The following KCNG1 variants were observed in gnomAD, a reference collection of about 807,000 sequenced individuals.
The protein encoded by KCNG1 is voltage-gated potassium channel regulatory subunit KCNG1.
A neutral mutation model predicts 32.4 loss-of-function variants in KCNG1; 17 were observed. The ratio of observed to expected loss-of-function variants is 0.52; its 90% CI spans 0.36 to 0.79. The LOEUF is 0.79. KCNG1 is among the 30% of genes least tolerant of loss of function. The pLI is 0.00. For synonymous variants in KCNG1, 358 were observed against 339.9 expected, an observed-to-expected ratio of 1.05 and a Z score of -0.59; for missense variants, 441 against 735.2, an observed-to-expected ratio of 0.60 and a Z score of 4.63.
Position 51,004,799 on chromosome 20 carries a change from C to G in KCNG1, c.782G>C (p.Cys261Ser), listed in dbSNP as rs2123205782. 2 of 1,563,338 alleles carry G rather than the reference C, an allele frequency of 1.3e-6. No individual in the cohort carries two copies. The highest frequency in any genetic ancestry group is 1.2e-5 in the South Asian group (1 of 83,674). ...SLREEEEQGHCSQMCHNVFIV... is the reference protein window; with the variant it reads ...SLREEEEQGHSSQMCHNVFIV... ...GAAGACGTTGTGGCACATCTGGGAACAGTGGCCCTGGGAGAGAGGGGAAGG... is the reference window on the plus strand; with the variant it reads ...GAAGACGTTGTGGCACATCTGGGAAGAGTGGCCCTGGGAGAGAGGGGAAGG... The change falls in exon 3 of 3, where the codon TGT (cysteine) becomes TCT (serine). Residue 261 changes from cysteine (C) to serine (S), a missense_variant. Cys to Ser is a moderately radical substitution (Grantham distance 112). Coordinates refer to ENST00000371571, the MANE Select transcript of KCNG1 (RefSeq NM_002237.4). The surrounding 1 kb of genome is among the most constrained non-coding windows in gnomAD (Gnocchi z 4.3).
In KCNG1 at chr20:51,004,505, T is replaced by A; in HGVS notation, c.1076A>T (p.His359Leu). 1 of 1,592,536 alleles carries A rather than the reference T, an allele frequency of 6.3e-7. No homozygotes were observed. The highest frequency in any genetic ancestry group is 8.5e-7 in the Non-Finnish European group (1 of 1,170,492). The change falls in exon 3 of 3, where the codon CAC (histidine) becomes CTC (leucine). Residue 359 changes from histidine to leucine, a missense_variant. Physicochemically the swap from His to Leu is moderately conservative, Grantham distance 99. Around this residue, in one of 6 missense-constraint regions of KCNG1, gnomAD observed 169 missense variants for 297.7 expected, o/e 0.57. Transcript: ENST00000371571. This position sits in a 1 kb window ranked among gnomAD's most constrained non-coding sequence, Gnocchi z 4.3. ...CCCCAGCGTCTGCAGCCCCAGGGAG[T>A]GGCGCGCCAGGCGCATCACGTACAG... ...RILYVMRLAR[H>L]SLGLQTLGLT... is the part of the protein sequence containing the mutation.
chr20:51,008,229 T>C (rs1987912754), intron 2 of KCNG1, among the ~76,000 whole-genome samples: 1 of 152,202 alleles, frequency 6.6e-6, no homozygotes, highest in Non-Finnish European at 1.5e-5. Context: ...TGGGCCCCTG[T>C]GGACTTGGAT....
chr20:51,011,996 T>C (rs1443263590), intron 1 of KCNG1, among the ~76,000 whole-genome samples: 1 of 152,248 alleles, frequency 6.6e-6, no homozygotes, highest in Non-Finnish European at 1.5e-5. Context: ...TTTTGCCATG[T>C]TGGCCAGGCT....
chr20:51,005,445 AAT>A lies in KCNG1; in HGVS notation c.775-641_775-640del, dbSNP rs1987793147. The A allele has an allele frequency of 6.6e-6, 1 of 152,254 alleles. No homozygotes were observed. 9.4% of individuals were successfully genotyped at this position (152,254 alleles called of 1,614,324 possible). A position where few individuals can be genotyped will look rare whatever the true frequency, so the allele number is the denominator to read the frequency against. ...CCACGGCTCCCGATGGACTGTGAGGAATAGTCTTGTTCAGTGCCCCCATCACT... is the reference window on the plus strand; with the variant it reads ...CCACGGCTCCCGATGGACTGTGAGGAAGTCTTGTTCAGTGCCCCCATCACT... On this transcript the variant is annotated intron_variant, in intron 2 of 2. Transcript: ENST00000371571. This position sits in a 1 kb window ranked among gnomAD's most constrained non-coding sequence, Gnocchi z 4.0.
At chr20:51,011,260 C>G (rs965667443) in intron 1 of KCNG1, among the ~76,000 whole-genome samples, 1 of 152,226 alleles carries the variant, frequency 6.6e-6, no homozygotes, top group Admixed American at 6.5e-5. Context: ...GGTCTCTGAT[C>G]CCAGGCAGCT....
chr20:51,008,973 G>A (rs1452153886), intron 2 of KCNG1, among the ~76,000 whole-genome samples: 2 of 152,192 alleles, frequency 1.3e-5, no homozygotes, highest in African/African-American at 4.8e-5. Flanking sequence ...TCCCAGATGA[G>A]TGGGAGCCCT....
intron 2 of KCNG1, chr20:51,007,267 C>T: frequency 6.6e-6 from 1 of 151,852 alleles, no homozygotes; most frequent in Non-Finnish European, 1.5e-5. Context: ...CTCACTGCAA[C>T]CTCCACCTCC....
In KCNG1 at chr20:51,005,206, C is replaced by G. The variant is rs557925402; in HGVS notation, c.775-400G>C. 1 of 168,300 alleles carries G rather than the reference C, an allele frequency of 5.9e-6. No homozygotes were observed. The highest frequency in any genetic ancestry group is 1.9e-4 in the South Asian group (1 of 5,158). The allele number at this position is 168,300 out of a possible 1,614,324, so 10.4% of individuals were successfully genotyped here. On this transcript the variant is annotated intron_variant, in intron 2 of 2. Transcript: ENST00000371571. This position sits in a 1 kb window ranked among gnomAD's most constrained non-coding sequence, Gnocchi z 4.0. ...TTAGGACAGGAGACCTGGCGTCATC[C>G]TTACCACCTTGCGTATAACCCCCAG...
chr20:51,017,526 G>A (rs966082134), intron 1 of KCNG1, among the ~76,000 whole-genome samples: 2 of 152,186 alleles, frequency 1.3e-5, no homozygotes, highest in Admixed American at 6.5e-5. Context: ...GCTGGGAAGC[G>A]GTGTGGTTTG....
At chr20:51,011,522 C>CA (rs1988094970) in intron 1 of KCNG1, among the ~76,000 whole-genome samples, 1 of 152,126 alleles carries the variant, frequency 6.6e-6, no homozygotes, top group Non-Finnish European at 1.5e-5. Context: ...GCATGTCCTA[C>CA]AATGCACAGG....
In KCNG1 at chr20:51,003,781, T is replaced by C. The variant is rs1987706734; in HGVS notation, c.*258A>G. 2 of 373,890 alleles carry C rather than the reference T, an allele frequency of 5.3e-6. No homozygotes were observed. The highest frequency in any genetic ancestry group is 4.0e-5 in the South Asian group (1 of 25,106). The allele number at this position is 373,890 out of a possible 1,614,324, so 23.2% of individuals were successfully genotyped here. ...ATCTCCTTATTGAGGGAAACACACA[T>C]AGGGGCTGGGGTGGGCGGGGCTGGG... On this transcript the variant is annotated 3_prime_UTR_variant, in exon 3 of 3. Coordinates refer to ENST00000371571, the MANE Select transcript of KCNG1 (RefSeq NM_002237.4).
rs1468027012 is a variant in KCNG1, at chr20:51,005,126, C to T, written c.775-320G>A. Reference sequence around the variant, plus strand: ...ACTCACCATGGGATCCTGGTTTCCTCTGCCCACTGGTGGTTTCCCTCCCTA... The same window carrying T: ...ACTCACCATGGGATCCTGGTTTCCTTTGCCCACTGGTGGTTTCCCTCCCTA... On this transcript the variant is annotated intron_variant, in intron 2 of 2. Coordinates refer to ENST00000371571, the MANE Select transcript of KCNG1 (RefSeq NM_002237.4). This position sits in a 1 kb window ranked among gnomAD's most constrained non-coding sequence, Gnocchi z 4.0. 1 of 274,286 alleles carries T rather than the reference C, an allele frequency of 3.6e-6. No homozygotes were observed. The highest frequency in any genetic ancestry group is 1.1e-3 in the Middle Eastern group (1 of 948). The allele number at this position is 274,286 out of a possible 1,614,324, so 17.0% of individuals were successfully genotyped here.
chr20:51,019,736 C>G (rs983272214), intron 1 of KCNG1, among the ~76,000 whole-genome samples: 1 of 151,894 alleles, frequency 6.6e-6, no homozygotes, highest in African/African-American at 2.4e-5. Flanking sequence ...GTCCGTCTCT[C>G]TCCATGCCAC....
At chr20:51,019,602 C>T (rs1325126886) in intron 1 of KCNG1, among the ~76,000 whole-genome samples, 1 of 152,106 alleles carries the variant, frequency 6.6e-6, no homozygotes, top group Non-Finnish European at 1.5e-5. Flanking sequence ...ACACAGCTTC[C>T]AAGGCAACTT....
At chr20:51,020,686 G>A (rs907552647) in intron 1 of KCNG1, among the ~76,000 whole-genome samples, 1 of 152,038 alleles carries the variant, frequency 6.6e-6, no homozygotes, top group Non-Finnish European at 1.5e-5. Context: ...TAGACCTCTG[G>A]CAACAGGCAA....
rs751331756 is a variant in KCNG1, at chr20:51,010,306, G to A, written c.33C>T (p.Tyr11=). The part of the protein sequence containing the change: MTLLPGDNSD[Y]DYSALSCTSD... ...AGGTGCAGCTCAGCGCGCTGTAGTC[G>A]TAGTCAGAATTGTCTCCCGGTAAGA... Residue 11 remains tyrosine, a synonymous_variant, in exon 2 of 3, where the codon TAC becomes TAT. Transcript: ENST00000371571. 10 of 1,507,868 alleles carry A rather than the reference G, an allele frequency of 6.6e-6. No homozygotes were observed. In the Admixed American group the frequency reaches 1.6e-4, roughly 24 times the overall value. The allele number at this position is 1,507,868 out of a possible 1,614,324, so 93.4% of individuals were successfully genotyped here. A position where few individuals can be genotyped will look rare whatever the true frequency, so the allele number is the denominator to read the frequency against.
chr20:51,009,707 C>G lies in KCNG1; in HGVS notation c.632G>C (p.Arg211Pro). Residue 211 changes from arginine to proline, a missense_variant, in exon 2 of 3, where the codon CGG becomes CCG. By Grantham distance (103) the Arg-to-Pro change is moderately radical. Transcript: ENST00000371571. Reference sequence around the variant, plus strand: ...CCTCTCCACCATGTCGCGCAGTCGCCGCATGCAGCGCCCCAGGCGGCCCTC... The same window carrying G: ...CCTCTCCACCATGTCGCGCAGTCGCGGCATGCAGCGCCCCAGGCGGCCCTC... ...EGEGRLGRCM[R>P]RLRDMVERPH... 1.2e-6 allele frequency: 2 copies of G among 1,604,098 alleles called. No homozygotes were observed. The highest frequency in any genetic ancestry group is 1.7e-6 in the Non-Finnish European group (2 of 1,178,136).
At position 51,009,718 on chromosome 20, in the gene KCNG1, C is replaced by A. The variant is rs759053363; in HGVS notation, c.621G>T (p.Gly207=). 3 of 1,604,710 alleles carry A rather than the reference C, an allele frequency of 1.9e-6. No individual in the cohort carries two copies. Among genetic ancestry groups the A allele is most frequent in the Non-Finnish European group, 2.5e-6 (3 of 1,178,226 alleles). The stretch of plus-strand genomic sequence containing the variant: ...TGTCGCGCAGTCGCCGCATGCAGCG[C>A]CCCAGGCGGCCCTCGCCCTCGGCCG... ...EGPAEGEGRL[G]RCMRRLRDMV... Residue 207 remains glycine, a synonymous_variant, in exon 2 of 3, where the codon GGG becomes GGT. Coordinates refer to ENST00000371571, the MANE Select transcript of KCNG1 (RefSeq NM_002237.4).
chr20:51,019,079 C>T (rs1292727398), intron 1 of KCNG1, among the ~76,000 whole-genome samples: 1 of 152,184 alleles, frequency 6.6e-6, no homozygotes, highest in East Asian at 1.9e-4. Context: ...TTTTGCCAAA[C>T]TCAGGGTTGC....
Sources: allele counts gnomAD v4.1 joint callset (sites outside exome capture counted in the v4.1 genomes callset), GRCh38; gene constraint gnomAD v4.1.1; regional missense constraint gnomAD v4.1.1; non-coding constraint Gnocchi (gnomAD v3.1); transcripts MANE v1.5; gene names NCBI Gene and HGNC (gene_info 2026-07-23, HGNC 2026-07-21).